VPS26A: variants seen among roughly 807,000 people sequenced by gnomAD.
VPS26A encodes vacuolar protein sorting-associated protein 26A.
VPS26A carries 22 observed loss-of-function variants against 42.4 expected under a neutral mutation model. The ratio of observed to expected loss-of-function variants is 0.52; its 90% CI spans 0.37 to 0.74. The LOEUF (loss-of-function observed/expected upper bound fraction) is 0.74, where lower values mean the gene tolerates loss of function less well. Among genes scored for constraint, VPS26A ranks in the 30% least tolerant of loss-of-function variants. VPS26A has a pLI of 0.00. For missense variants in VPS26A, 276 were observed against 379.2 expected (o/e 0.73, Z 2.26); for synonymous variants, 110 against 123.5 (o/e 0.89, Z 0.73).
At chr10:69,142,983 C>T (rs1174239751) in intron 2 of VPS26A, among the ~76,000 whole-genome samples, 1 of 152,080 alleles carries the variant, frequency 6.6e-6, no homozygotes, top group Non-Finnish European at 1.5e-5. Flanking sequence ...ATAAGAAAAG[C>T]CCTTATTTAT....
rs541409376 is a variant in VPS26A at position 69,173,022 on chromosome 10, A to G, written c.*1753A>G. Among the ~76,000 whole-genome samples, 10 of 152,330 alleles carry G rather than the reference A, an allele frequency of 6.6e-5. No individual in the cohort carries two copies. In the South Asian group the frequency reaches 1.2e-3, roughly 19 times the overall value. On this transcript the variant is annotated 3_prime_UTR_variant, in exon 9 of 9. Transcript: ENST00000263559. ...TGGTTTCAATTTTAAATAGATATAT[A>G]ATGCTTTTAATAGGCTGGCTTAAAA...
intron 5 of VPS26A, among the ~76,000 whole-genome samples, chr10:69,159,392 C>CA (rs538060834): frequency 7.5e-4 from 105 of 139,910 alleles, no homozygotes; most frequent in Non-Finnish European, 8.8e-4. Context: ...AAAAAAAAAA[C>CA]AAAAAAAAAA....
chr10:69,153,512 ATTT>A (rs34345019), intron 2 of VPS26A, among the ~76,000 whole-genome samples: 1 of 139,300 alleles, frequency 7.2e-6, no homozygotes, highest in Non-Finnish European at 1.5e-5. Flanking sequence ...TACCCAGCTA[ATTT>A]TTTTTTTTTT....
At chr10:69,157,604 AC>A (rs999677414) in intron 4 of VPS26A, among the ~76,000 whole-genome samples, 1 of 152,116 alleles carries the variant, frequency 6.6e-6, no homozygotes, top group African/African-American at 2.4e-5. Flanking sequence ...CTTTCCCTTC[AC>A]TAAGTCTGTA....
intron 2 of VPS26A, among the ~76,000 whole-genome samples, chr10:69,151,949 CTGTT>C (rs1231065918): frequency 1.4e-4 from 22 of 151,902 alleles, no homozygotes; most frequent in Admixed American, 1.4e-3. Context: ...AATGTTAAGC[CTGTT>C]TAAGTACTAC....
At position 69,124,219 on chromosome 10, in the gene VPS26A, T is replaced by C. The variant is rs1405122099; in HGVS notation, c.-59T>C. ...GCGCCGGAGCGGAGGGAGCCGGGGCTGGGAGTTCTCCTGAGGGAAGAGGAG... is the reference window on the plus strand; with the variant it reads ...GCGCCGGAGCGGAGGGAGCCGGGGCCGGGAGTTCTCCTGAGGGAAGAGGAG... On this transcript the variant is annotated 5_prime_UTR_variant, in exon 1 of 9. Coordinates refer to ENST00000263559, the MANE Select transcript of VPS26A (RefSeq NM_004896.5). The C allele has an allele frequency of 1.6e-6, 2 of 1,275,696 alleles. No individual in the cohort carries two copies. Among genetic ancestry groups the C allele is most frequent in the South Asian group, 3.8e-5 (1 of 26,472 alleles). 79.0% of individuals were successfully genotyped at this position (1,275,696 alleles called of 1,614,324 possible).
intron 2 of VPS26A, among the ~76,000 whole-genome samples, chr10:69,136,437 GTATTTT>G (rs377536050): frequency 1.5e-4 from 23 of 151,662 alleles, no homozygotes; most frequent in Middle Eastern, 3.4e-3. Context: ...GCTAATTTTC[GTATTTT>G]TATTTTTAAC....
intron 2 of VPS26A, among the ~76,000 whole-genome samples, chr10:69,142,024 C>A (rs1037721554): frequency 2.0e-5 from 3 of 151,890 alleles, no homozygotes; most frequent in Non-Finnish European, 4.4e-5. Context: ...GCTGGGATTA[C>A]AGGCGCATGC....
intron 2 of VPS26A, among the ~76,000 whole-genome samples, chr10:69,143,804 C>A (rs990064889): frequency 6.6e-6 from 1 of 152,070 alleles, no homozygotes; most frequent in African/African-American, 2.4e-5. Context: ...GTAGCCTTGA[C>A]CTCTCAAGCT....
intron 2 of VPS26A, among the ~76,000 whole-genome samples, chr10:69,145,834 A>G (rs1281920356): frequency 6.6e-6 from 1 of 151,994 alleles, no homozygotes; most frequent in Non-Finnish European, 1.5e-5. Context: ...AGCCACCATT[A>G]TCAAAATGTA....
chr10:69,142,882 C>T (rs547792057), intron 2 of VPS26A, among the ~76,000 whole-genome samples: 6 of 152,082 alleles, frequency 3.9e-5, no homozygotes, highest in East Asian at 1.9e-4. Context: ...AAATGCTATG[C>T]GATAATACTG....
At chr10:69,129,737 C>A (rs766135679) in intron 1 of VPS26A, among the ~76,000 whole-genome samples, 13 of 152,138 alleles carry the variant, frequency 8.5e-5, no homozygotes, top group East Asian at 1.9e-4. Flanking sequence ...GTTAGCCAGG[C>A]TGGTCTCGAA....
In VPS26A at chr10:69,156,434, GA is replaced by G. The variant is rs1194903347; in HGVS notation, c.229+551del. ...CTTTCTATACTGAAGATTCAGAAGAGAAAAGAAAATATGTCTTTATAATACT... is the reference window on the plus strand; with the variant it reads ...CTTTCTATACTGAAGATTCAGAAGAGAAAGAAAATATGTCTTTATAATACT... On this transcript the variant is annotated intron_variant, in intron 3 of 8. Coordinates refer to ENST00000263559, the MANE Select transcript of VPS26A (RefSeq NM_004896.5). 2.6e-5 allele frequency among the ~76,000 whole-genome samples: 4 copies of G among 152,192 alleles called. No individual in the cohort carries two copies. In the East Asian group the frequency reaches 7.7e-4, roughly 29 times the overall value.
intron 1 of VPS26A, among the ~76,000 whole-genome samples, chr10:69,128,852 C>T (rs117025818): frequency 0.022 from 3,288 of 151,706 alleles, 45 homozygotes; most frequent in Non-Finnish European, 0.033. Context: ...AAAAACGAGC[C>T]AGGTGTTGTG....
intron 2 of VPS26A, among the ~76,000 whole-genome samples, chr10:69,151,282 A>AAAACAAAAAACAAAACACACAC (rs71035063): frequency 2.4e-4 from 33 of 136,824 alleles, no homozygotes; most frequent in African/African-American, 1.1e-3. Flanking sequence ...AAAAAAAAAA[A>AAAACAAAAAACAAAACACACAC]ACACACACAC....
intron 5 of VPS26A, among the ~76,000 whole-genome samples, chr10:69,159,032 A>C (rs1443736376): frequency 3.3e-5 from 5 of 152,210 alleles, no homozygotes; most frequent in Non-Finnish European, 5.9e-5. Flanking sequence ...GTATTATAAC[A>C]GTTAAATAAA....
At chr10:69,127,358 C>T (rs1840680336) in intron 1 of VPS26A, among the ~76,000 whole-genome samples, 1 of 151,278 alleles carries the variant, frequency 6.6e-6, no homozygotes, top group Non-Finnish European at 1.5e-5. Flanking sequence ...TCAAGAGCAT[C>T]CTGGCTAACA....
At chr10:69,125,406 G>T (rs1310800409) in intron 1 of VPS26A, among the ~76,000 whole-genome samples, 1 of 152,132 alleles carries the variant, frequency 6.6e-6, no homozygotes, top group Non-Finnish European at 1.5e-5. Flanking sequence ...ACCTGCTCTC[G>T]TAGCTTACAA....
At position 69,173,942 on chromosome 10, in the gene VPS26A, C is replaced by T. The variant is rs1589368897; in HGVS notation, c.*2673C>T. On this transcript the variant is annotated 3_prime_UTR_variant, in exon 9 of 9. Transcript: ENST00000263559. Reference sequence around the variant, plus strand: ...CCGGGAGGCAGAGGTTGCAGTGAGCCGAGATCACACCAATGCACTCCAGCC... The same window carrying T: ...CCGGGAGGCAGAGGTTGCAGTGAGCTGAGATCACACCAATGCACTCCAGCC... Among the ~76,000 whole-genome samples the T allele has an allele frequency of 6.6e-6, 1 of 150,892 alleles. No homozygotes were observed. The highest frequency in any genetic ancestry group is 2.1e-4 in the South Asian group (1 of 4,806).
Sources: gnomAD v4.1 joint callset for allele counts (sites outside exome capture counted in the v4.1 genomes callset) on GRCh38, gnomAD v4.1.1 for gene constraint, MANE v1.5 for transcripts, NCBI Gene and HGNC (gene_info 2026-07-23, HGNC 2026-07-21) for gene names.